The following CEP128 variants were observed in gnomAD, a reference collection of about 807,000 sequenced individuals.
The protein encoded by CEP128 is centrosomal protein 128.
In CEP128, 132 loss-of-function variants were observed where a neutral mutation model predicts 156.7. The observed-to-expected ratio is 0.84, with a 90% CI of 0.73 to 0.97. The LOEUF is 0.97. Among genes scored for constraint, CEP128 ranks in the 50% least tolerant of loss-of-function variants. CEP128 has a pLI of 0.00. For synonymous variants in CEP128, 469 were observed against 448.9 expected (o/e 1.04, Z -0.57); for missense variants, 1,252 against 1,281.9 (o/e 0.98, Z 0.36).
intron 18 of CEP128, among the ~76,000 whole-genome samples, chr14:80,747,577 G>A (rs1184232980): frequency 6.6e-6 from 1 of 152,198 alleles, no homozygotes; most frequent in Non-Finnish European, 1.5e-5. Flanking sequence ...GGGAGGCCGA[G>A]GTGGGCGGAT....
chr14:80,908,760 C>T (rs1884034600), intron 4 of CEP128, among the ~76,000 whole-genome samples: 1 of 152,186 alleles, frequency 6.6e-6, no homozygotes, highest in Non-Finnish European at 1.5e-5. Context: ...TAGAGGATGA[C>T]ATCTTTCTTC....
intron 8 of CEP128, among the ~76,000 whole-genome samples, chr14:80,885,873 G>C (rs1000504378): frequency 2.0e-5 from 3 of 152,092 alleles, no homozygotes; most frequent in Non-Finnish European, 4.4e-5. Context: ...AGGAAGCTAA[G>C]AACCTTGATA....
At chr14:80,928,374 C>T (rs1005590587) in intron 2 of CEP128, among the ~76,000 whole-genome samples, 1 of 151,774 alleles carries the variant, frequency 6.6e-6, no homozygotes, top group Admixed American at 6.6e-5. Context: ...AGGTGAAAAC[C>T]AACATAAAGA....
chr14:80,841,159 A>G (rs575097274), intron 9 of CEP128, among the ~76,000 whole-genome samples: 8 of 152,272 alleles, frequency 5.3e-5, no homozygotes, highest in Admixed American at 3.9e-4. Flanking sequence ...GTTTGTTTCT[A>G]TGTTAGAACA....
chr14:80,763,839 C>T (rs994807116), intron 16 of CEP128, among the ~76,000 whole-genome samples: 1 of 152,108 alleles, frequency 6.6e-6, no homozygotes, highest in African/African-American at 2.4e-5. Flanking sequence ...AGCTTATAAC[C>T]TTGGAGGCTA....
At position 80,511,184 on chromosome 14, in the gene CEP128, TA is replaced by T. The variant is rs1416205844; in HGVS notation, c.3073-6165del. Among the ~76,000 whole-genome samples, 219 of 151,932 alleles carry T rather than the reference TA, an allele frequency of 1.4e-3. 1 individual carries two copies. Among genetic ancestry groups the T allele is most frequent in the African/African-American group, 5.0e-3 (206 of 41,482 alleles). The stretch of plus-strand genomic sequence containing the variant: ...TTTGAAATAGGTTGAGTAAGATTGG[TA>T]TTAGTTCTTTAAGTGTTTGTTAGAA... On this transcript the variant is annotated intron_variant, in intron 23 of 24. Transcript: ENST00000555265.
intron 19 of CEP128, among the ~76,000 whole-genome samples, chr14:80,594,327 T>A (rs912368915): frequency 9.2e-5 from 14 of 152,308 alleles, no homozygotes; most frequent in Admixed American, 3.3e-4. Flanking sequence ...TAACTCCAGA[T>A]GAATTAAAGA....
At chr14:80,562,809 C>T (rs1032210877) in intron 20 of CEP128, among the ~76,000 whole-genome samples, 1 of 151,742 alleles carries the variant, frequency 6.6e-6, no homozygotes, top group Non-Finnish European at 1.5e-5. Flanking sequence ...TATAGGTGTG[C>T]ACCACCACAC....
At chr14:80,711,129 C>T (rs117871177) in intron 19 of CEP128, among the ~76,000 whole-genome samples, 1,719 of 152,044 alleles carry the variant, frequency 0.011, 15 homozygotes, top group Non-Finnish European at 0.015. Flanking sequence ...TTCTATAGAT[C>T]GAGTTAAATG....
At position 80,570,412 on chromosome 14, in the gene CEP128, G is replaced by A. The variant is rs548107050; in HGVS notation, c.2856+9962C>T. ...ATTACAGGCGTGAGTCATCGTGCCC[G>A]GCCCATATGTTCTTATTTTTAATGT... On this transcript the variant is annotated intron_variant, in intron 20 of 24. Coordinates refer to ENST00000555265, the MANE Select transcript of CEP128 (RefSeq NM_152446.5). 2.6e-5 allele frequency among the ~76,000 whole-genome samples: 4 copies of A among 152,152 alleles called. No individual in the cohort carries two copies. In the East Asian group the frequency reaches 5.8e-4, roughly 22 times the overall value.
intron 14 of CEP128, among the ~76,000 whole-genome samples, chr14:80,481,248 G>A (rs1180014486): frequency 6.6e-6 from 1 of 152,126 alleles, no homozygotes; most frequent in African/African-American, 2.4e-5. Flanking sequence ...GAGGCAAAAG[G>A]CACTTCTTAC....
intron 19 of CEP128, among the ~76,000 whole-genome samples, chr14:80,619,005 A>C (rs1893349092): frequency 6.6e-6 from 1 of 152,198 alleles, no homozygotes; most frequent in Admixed American, 6.5e-5. Flanking sequence ...ATGATAAGAA[A>C]CACATTTCTG....
At chr14:80,504,469 T>C (rs1321839177) in intron 24 of CEP128, among the ~76,000 whole-genome samples, 1 of 152,234 alleles carries the variant, frequency 6.6e-6, no homozygotes, top group African/African-American at 2.4e-5. Context: ...ATATTGATGA[T>C]GACATTTATC....
chr14:80,820,130 C>A (rs561722183), intron 13 of CEP128, among the ~76,000 whole-genome samples: 30 of 152,180 alleles, frequency 2.0e-4, no homozygotes, highest in African/African-American at 7.2e-4. Context: ...AACTTCCTGA[C>A]CTCTGTAAGA....
intron 14 of CEP128, among the ~76,000 whole-genome samples, chr14:80,480,360 G>A (rs1000252958): frequency 5.3e-5 from 8 of 152,118 alleles, no homozygotes; most frequent in African/African-American, 1.2e-4. Flanking sequence ...TGACTTCTAT[G>A]TACCCGCAGG....
At chr14:80,733,339 CGTGTGTGTGTGTGTGTGTGT>C (rs55964142) in intron 19 of CEP128, among the ~76,000 whole-genome samples, 49 of 140,244 alleles carry the variant, frequency 3.5e-4, no homozygotes, top group Non-Finnish European at 5.2e-4. Flanking sequence ...CCACATGGGT[CGTGTGTGTGTGTGTGTGTGT>C]GTGTGTGTGT....
At chr14:80,506,385 G>A (rs1001412482) in intron 23 of CEP128, among the ~76,000 whole-genome samples, 5 of 143,896 alleles carry the variant, frequency 3.5e-5, no homozygotes, top group Non-Finnish European at 6.0e-5. Flanking sequence ...GGAGTTTAAA[G>A]GAGAAGGATG....
intron 19 of CEP128, among the ~76,000 whole-genome samples, chr14:80,696,503 C>T (rs563027117): frequency 6.6e-6 from 1 of 151,934 alleles, no homozygotes; most frequent in Non-Finnish European, 1.5e-5. Context: ...TAAGGAATAG[C>T]GTAAAAAGAG....
chr14:80,899,603 AG>A (rs1883412344), intron 7 of CEP128, among the ~76,000 whole-genome samples: 1 of 152,214 alleles, frequency 6.6e-6, no homozygotes, highest in African/African-American at 2.4e-5. Flanking sequence ...CAATGCCAAA[AG>A]TCAGTCAGGT....
Sources: allele counts gnomAD v4.1 joint callset (sites outside exome capture counted in the v4.1 genomes callset), GRCh38; gene constraint gnomAD v4.1.1; transcripts MANE v1.5; gene names NCBI Gene and HGNC (gene_info 2026-07-23, HGNC 2026-07-21).